The following FAM120B variants were observed in gnomAD, a reference collection of about 807,000 sequenced individuals.
The protein encoded by FAM120B is family with sequence similarity 120 member B.
Under a neutral mutation model 96.3 loss-of-function variants are expected in FAM120B, and 83 were observed. The observed-to-expected ratio is 0.86, with a 90% CI of 0.72 to 1.03. FAM120B has a LOEUF of 1.03. FAM120B is among the 50% of genes least tolerant of loss of function. The pLI is 0.00. For missense variants in FAM120B, 1,027 were observed against 1,121.2 expected, an observed-to-expected ratio of 0.92 and a Z score of 1.20; for synonymous variants, 407 against 402.7, an observed-to-expected ratio of 1.01 and a Z score of -0.13.
chr6:170,303,266 G>T (rs1015919567), upstream of FAM120B, among the ~76,000 whole-genome samples: 1 of 152,014 alleles, frequency 6.6e-6, no homozygotes, highest in Non-Finnish European at 1.5e-5. Context: ...GTGAGACAGC[G>T]TCCTACTCTG....
intron 6 of FAM120B, among the ~76,000 whole-genome samples, chr6:170,362,986 G>C (rs1004613901): frequency 6.6e-6 from 1 of 152,138 alleles, no homozygotes; most frequent in Non-Finnish European, 1.5e-5. Flanking sequence ...CCGTGGCAAT[G>C]ATGATTTTAT....
chr6:170,310,883 C>G (rs892057936), intron 1 of FAM120B, among the ~76,000 whole-genome samples: 2 of 152,236 alleles, frequency 1.3e-5, no homozygotes, highest in East Asian at 3.8e-4. Context: ...TTATTCATTG[C>G]TGTATCCACA....
intron 6 of FAM120B, among the ~76,000 whole-genome samples, chr6:170,384,664 G>A (rs1790092311): frequency 6.6e-6 from 1 of 152,210 alleles, no homozygotes; most frequent in Non-Finnish European, 1.5e-5. Context: ...ACTGAAAAAC[G>A]AAGCAGACAT....
At chr6:170,385,368 T>TC (rs1790127656) in intron 6 of FAM120B, among the ~76,000 whole-genome samples, 6 of 149,388 alleles carry the variant, frequency 4.0e-5, no homozygotes, top group African/African-American at 1.5e-4. Context: ...TGAATATACT[T>TC]TAAAAAAAAG....
Position 170,405,083 on chromosome 6 carries a change from GA to G in FAM120B, c.*333del, listed in dbSNP as rs1344916478. ...AATAAATGGGAATCTGTTGTATTCT[GA>G]TTTTTTATTAGCAACACTAGATTAT... On this transcript the variant is annotated 3_prime_UTR_variant, in exon 11 of 11. Coordinates refer to ENST00000476287, the MANE Select transcript of FAM120B (RefSeq NM_032448.3). 1 of 156,588 alleles carries G rather than the reference GA, an allele frequency of 6.4e-6. No homozygotes were observed. The highest frequency in any genetic ancestry group is 1.4e-5 in the Non-Finnish European group (1 of 71,054). 9.7% of individuals were successfully genotyped at this position (156,588 alleles called of 1,614,324 possible). A position where few individuals can be genotyped will look rare whatever the true frequency, so the allele number is the denominator to read the frequency against.
At chr6:170,349,416 A>G (rs895396744) in intron 5 of FAM120B, among the ~76,000 whole-genome samples, 2 of 152,188 alleles carry the variant, frequency 1.3e-5, no homozygotes, top group African/African-American at 4.8e-5. Context: ...ATGTACTCTT[A>G]TTGTAGAAAT....
chr6:170,397,606 C>A (rs757097940), intron 9 of FAM120B, among the ~76,000 whole-genome samples: 1 of 152,162 alleles, frequency 6.6e-6, no homozygotes, highest in South Asian at 2.1e-4. Context: ...TGCAGACCGA[C>A]CACATCCAGC....
chr6:170,366,648 TG>T (rs990496434), intron 6 of FAM120B, among the ~76,000 whole-genome samples: 75 of 151,848 alleles, frequency 4.9e-4, no homozygotes, highest in African/African-American at 1.7e-3. Context: ...GTGGGGTGAA[TG>T]GGGGTTGAGA....
At chr6:170,291,780 TAGG>T (rs1783882668), upstream of FAM120B, among the ~76,000 whole-genome samples, 1 of 151,408 alleles carries the variant, frequency 6.6e-6, no homozygotes, top group Non-Finnish European at 1.5e-5. Context: ...CCACTGGGAG[TAGG>T]GGCCCGGGGG....
At chr6:170,349,017 C>T (rs975410667) in intron 5 of FAM120B, among the ~76,000 whole-genome samples, 12 of 152,166 alleles carry the variant, frequency 7.9e-5, no homozygotes, top group Admixed American at 3.9e-4. Flanking sequence ...ATGTGAAAAT[C>T]ATAAAAATCA....
At chr6:170,379,644 CT>C (rs1408629394) in intron 6 of FAM120B, among the ~76,000 whole-genome samples, 1 of 152,178 alleles carries the variant, frequency 6.6e-6, no homozygotes, top group African/African-American at 2.4e-5. Flanking sequence ...GGTTAAATTA[CT>C]GTATCTTACA....
intron 1 of FAM120B, among the ~76,000 whole-genome samples, chr6:170,307,512 A>C (rs1345818575): frequency 1.3e-5 from 2 of 152,210 alleles, no homozygotes; most frequent in Non-Finnish European, 2.9e-5. Context: ...CAGAGTTTTA[A>C]GTAGGAGTTG....
chr6:170,354,330 C>G (rs928901694), intron 5 of FAM120B, among the ~76,000 whole-genome samples: 4 of 152,134 alleles, frequency 2.6e-5, no homozygotes, highest in African/African-American at 7.2e-5. Flanking sequence ...AGAAGAAAAT[C>G]TAGGCAATAC....
intron 4 of FAM120B, among the ~76,000 whole-genome samples, chr6:170,341,028 C>G (rs1169694122): frequency 1.3e-5 from 2 of 152,204 alleles, no homozygotes; most frequent in Admixed American, 1.3e-4. Context: ...TGGGAGAAAC[C>G]TCCTTGCCAG....
intron 5 of FAM120B, among the ~76,000 whole-genome samples, chr6:170,351,219 A>G (rs2115154653): frequency 6.6e-6 from 1 of 152,342 alleles, no homozygotes; most frequent in Non-Finnish European, 1.5e-5. Flanking sequence ...TATCTTTCTG[A>G]ATTAAGATAG....
At chr6:170,351,019 C>G (rs1787538487) in intron 5 of FAM120B, among the ~76,000 whole-genome samples, 1 of 152,180 alleles carries the variant, frequency 6.6e-6, no homozygotes, top group Non-Finnish European at 1.5e-5. Flanking sequence ...TGTTGTAATT[C>G]AATGCAAAGA....
At position 170,399,315 on chromosome 6, in the gene FAM120B, T is replaced by C. The variant is rs570310876; in HGVS notation, c.2692+3736T>C. On this transcript the variant is annotated intron_variant, in intron 9 of 10. Transcript: ENST00000476287. ...GAAGGTAGAACTATGTCATAACTCT[T>C]AGGAGTGAGTGAGAAAGGTAGAACT... Among the ~76,000 whole-genome samples the C allele has an allele frequency of 4.0e-5, 6 of 148,696 alleles. No individual in the cohort carries two copies. The South Asian group carries it at 1.3e-3, about 32-fold the overall frequency.
intron 5 of FAM120B, among the ~76,000 whole-genome samples, chr6:170,351,124 A>T (rs1390364811): frequency 6.6e-6 from 1 of 152,240 alleles, no homozygotes; most frequent in Non-Finnish European, 1.5e-5. Context: ...AAAACACAGC[A>T]TAAGAAATTC....
chr6:170,302,171 C>G (rs1352843275), upstream of FAM120B, among the ~76,000 whole-genome samples: 2 of 152,186 alleles, frequency 1.3e-5, no homozygotes, highest in African/African-American at 4.8e-5. Flanking sequence ...AGGGAGGCCT[C>G]AGGAAACTTA....
Sources: allele counts gnomAD v4.1 joint callset (sites outside exome capture counted in the v4.1 genomes callset), GRCh38; gene constraint gnomAD v4.1.1; transcripts MANE v1.5; gene names NCBI Gene and HGNC (gene_info 2026-07-23, HGNC 2026-07-21).